The following APP variants were observed in gnomAD, a reference collection of about 807,000 sequenced individuals.
APP encodes amyloid-beta precursor protein.
Under a neutral mutation model 101.4 loss-of-function variants are expected in APP, and 31 were observed. That is an observed-to-expected ratio of 0.31 (90% CI 0.23 to 0.41). The LOEUF is 0.41. Among genes scored for constraint, APP ranks in the 10% least tolerant of loss-of-function variants. The pLI, the probability that APP is intolerant of heterozygous loss-of-function variation, is 1.00. For missense variants in APP, 839 were observed against 1,003.7 expected (o/e 0.84, Z 2.22); for synonymous variants, 366 against 364.4 (o/e 1.00, Z -0.05).
chr21:26,060,249 T>C (rs1434725867), intron 3 of APP, among the ~76,000 whole-genome samples: 1 of 152,146 alleles, frequency 6.6e-6, no homozygotes, highest in Non-Finnish European at 1.5e-5. Flanking sequence ...CCCACAGAGA[T>C]GACATGGTAC....
At chr21:26,005,776 T>A (rs1440696128) in intron 6 of APP, among the ~76,000 whole-genome samples, 1 of 152,154 alleles carries the variant, frequency 6.6e-6, no homozygotes, top group Non-Finnish European at 1.5e-5. Context: ...TCTAAAAACA[T>A]CAGCAAAAAA....
chr21:26,055,403 T>C (rs913545567), intron 3 of APP, among the ~76,000 whole-genome samples: 4 of 152,116 alleles, frequency 2.6e-5, no homozygotes, highest in African/African-American at 9.7e-5. Flanking sequence ...CTCTTTTACA[T>C]AGAATGATAT....
intron 1 of APP, among the ~76,000 whole-genome samples, chr21:26,162,589 T>A (rs1029939838): frequency 2.0e-5 from 3 of 152,014 alleles, no homozygotes; most frequent in South Asian, 2.1e-4. Flanking sequence ...ATCTCAACAG[T>A]AGGATTAAAC....
intron 9 of APP, among the ~76,000 whole-genome samples, chr21:25,979,943 C>T (rs925158581): frequency 6.6e-6 from 1 of 152,106 alleles, no homozygotes; most frequent in African/African-American, 2.4e-5. Context: ...AACCGGGGAG[C>T]AAATATTTAG....
At position 26,028,956 on chromosome 21, in the gene APP, C is replaced by A. The variant is rs115838762; in HGVS notation, c.663-6914G>T. 2.5e-3 allele frequency among the ~76,000 whole-genome samples: 376 copies of A among 152,190 alleles called. 5 individuals carry two copies. Among genetic ancestry groups the A allele is most frequent in the African/African-American group, 8.7e-3 (360 of 41,536 alleles). On this transcript the variant is annotated intron_variant, in intron 5 of 17. Coordinates refer to ENST00000346798, the MANE Select transcript of APP (RefSeq NM_000484.4). ...CAAACAGGGTGGTCAGGGAAGGGCC[C>A]CACGGAAGAGCCATGTGAACTAAAA...
chr21:26,043,272 G>A (rs534590187), intron 5 of APP, among the ~76,000 whole-genome samples: 1 of 151,470 alleles, frequency 6.6e-6, no homozygotes, highest in South Asian at 2.1e-4. Context: ...GTCTTGCTCT[G>A]TTGCCCAGGC....
chr21:25,980,416 A>G (rs1009901026), intron 9 of APP, among the ~76,000 whole-genome samples: 4 of 151,696 alleles, frequency 2.6e-5, no homozygotes, highest in Admixed American at 1.3e-4. Flanking sequence ...TAGTCCTCCA[A>G]TGCTTTCCGA....
intron 11 of APP, among the ~76,000 whole-genome samples, chr21:25,964,540 T>C (rs1029922599): frequency 2.6e-5 from 4 of 152,056 alleles, no homozygotes; most frequent in African/African-American, 9.7e-5. Flanking sequence ...CAAGAGTTTA[T>C]GTTATAAAAG....
intron 3 of APP, among the ~76,000 whole-genome samples, chr21:26,078,468 T>C (rs2061537411): frequency 6.6e-6 from 1 of 152,252 alleles, no homozygotes; most frequent in South Asian, 2.1e-4. Context: ...ATTTAAAACA[T>C]AATGAAAGCT....
chr21:26,032,913 C>A (rs933375210), intron 5 of APP, among the ~76,000 whole-genome samples: 1 of 151,902 alleles, frequency 6.6e-6, no homozygotes, highest in African/African-American at 2.4e-5. Flanking sequence ...TGTAAACAAG[C>A]ATAAAACAGT....
intron 13 of APP, among the ~76,000 whole-genome samples, chr21:25,915,803 C>CCTTTTCT (rs1445777682): frequency 1.3e-5 from 2 of 152,140 alleles, no homozygotes; most frequent in African/African-American, 4.8e-5. Context: ...GCTGTAGTAC[C>CCTTTTCT]CTTTTCTCTT....
At chr21:26,120,779 A>G (rs1404130184) in intron 1 of APP, among the ~76,000 whole-genome samples, 2 of 152,186 alleles carry the variant, frequency 1.3e-5, no homozygotes, top group African/African-American at 4.8e-5. Context: ...TCAAATCTGA[A>G]AGCAATCTAA....
At chr21:26,022,577 G>T (rs1006586727) in intron 5 of APP, among the ~76,000 whole-genome samples, 2 of 152,128 alleles carry the variant, frequency 1.3e-5, no homozygotes, top group Non-Finnish European at 2.9e-5. Flanking sequence ...GAAACTGTTG[G>T]GGAGTGGGGA....
At chr21:25,911,690 A>G (rs2039077422) in intron 14 of APP, 51 bp downstream of exon 14, 1 of 1,483,076 alleles carries the variant, frequency 6.7e-7, no homozygotes, top group Non-Finnish European at 9.4e-7. Flanking sequence ...CACGTTATGT[A>G]TGTGTATATA....
intron 6 of APP, among the ~76,000 whole-genome samples, chr21:26,015,511 A>C (rs2044014795): frequency 6.6e-6 from 1 of 152,218 alleles, no homozygotes; most frequent in Non-Finnish European, 1.5e-5. Context: ...TTGAGTTTGT[A>C]AATTGAACAC....
chr21:26,149,570 C>G (rs2063220129), intron 1 of APP, among the ~76,000 whole-genome samples: 1 of 152,138 alleles, frequency 6.6e-6, no homozygotes, highest in African/African-American at 2.4e-5. Context: ...TTCACTGGAA[C>G]CAAAAAACAA....
In APP at chr21:25,881,393, G is replaced by T; in HGVS notation, c.*277C>A. The T allele has an allele frequency of 2.0e-6, 1 of 499,532 alleles. No homozygotes were observed. The highest frequency in any genetic ancestry group is 3.6e-6 in the Non-Finnish European group (1 of 274,670). The allele number at this position is 499,532 out of a possible 1,614,324, so 30.9% of individuals were successfully genotyped here. A position where few individuals can be genotyped will look rare whatever the true frequency, so the allele number is the denominator to read the frequency against. On this transcript the variant is annotated 3_prime_UTR_variant, in exon 18 of 18. Coordinates refer to ENST00000346798, the MANE Select transcript of APP (RefSeq NM_000484.4). ...AATAATCAGGAGAGAATCTATTCAT[G>T]CACTAGTTTGATACAGCTAAATTCT... is the stretch of plus-strand genomic sequence containing the variant.
intron 5 of APP, among the ~76,000 whole-genome samples, chr21:26,035,106 TGAGA>T (rs2045042111): frequency 6.6e-6 from 1 of 151,688 alleles, no homozygotes; most frequent in African/African-American, 2.4e-5. Context: ...GGCAACAAAG[TGAGA>T]TCTTGTCTCC....
At chr21:26,120,791 G>A (rs1323136135) in intron 1 of APP, among the ~76,000 whole-genome samples, 1 of 152,100 alleles carries the variant, frequency 6.6e-6, no homozygotes, top group Non-Finnish European at 1.5e-5. Context: ...GCAATCTAAT[G>A]CTATTAAATA....
Sources: allele counts gnomAD v4.1 joint callset (sites outside exome capture counted in the v4.1 genomes callset), GRCh38; gene constraint gnomAD v4.1.1; transcripts MANE v1.5; gene names NCBI Gene and HGNC (gene_info 2026-07-23, HGNC 2026-07-21).